SYCP2L: variants seen among roughly 807,000 people sequenced by gnomAD.
SYCP2L encodes the protein synaptonemal complex protein 2-like.
A neutral mutation model predicts 125.8 loss-of-function variants in SYCP2L; 98 were observed. The observed-to-expected ratio is 0.78, with a 90% CI of 0.66 to 0.92. The LOEUF is 0.92. Ranked by LOEUF, SYCP2L falls within the 40% of genes least tolerant of loss-of-function variation. The pLI, the probability that SYCP2L is intolerant of heterozygous loss-of-function variation, is 0.00. For missense variants in SYCP2L, 842 were observed against 936.4 expected, an observed-to-expected ratio of 0.90 and a Z score of 1.32; for synonymous variants, 317 against 325.4, an observed-to-expected ratio of 0.97 and a Z score of 0.28.
At chr6:10,918,756 A>C (rs562511735) in intron 14 of SYCP2L, among the ~76,000 whole-genome samples, 3 of 151,958 alleles carry the variant, frequency 2.0e-5, no homozygotes, top group Non-Finnish European at 4.4e-5. Context: ...GGATGGTCTC[A>C]ATCTCCTGAC....
chr6:10,962,674 AATAACAG>A (rs1348063932), intron 28 of SYCP2L, among the ~76,000 whole-genome samples: 13 of 152,324 alleles, frequency 8.5e-5, no homozygotes, highest in African/African-American at 2.9e-4. Context: ...TGTTGATATA[AATAACAG>A]ATTTATATGA....
chr6:10,963,990 C>T, intron 29 of SYCP2L, 147 bp downstream of exon 29: 2 of 549,758 alleles, frequency 3.6e-6, no homozygotes, highest in Non-Finnish European at 6.3e-6. Context: ...TGGAGTCTCA[C>T]TCTGTCACCC....
chr6:10,907,650 C>A lies in SYCP2L; in HGVS notation c.785C>A (p.Ala262Asp). 1 of 1,612,702 alleles carries A rather than the reference C, an allele frequency of 6.2e-7. No homozygotes were observed. Among genetic ancestry groups the A allele is most frequent in the Non-Finnish European group, 8.5e-7 (1 of 1,179,618 alleles). Residue 262 changes from alanine (A) to aspartate (D), a missense_variant, in exon 10 of 30, where the codon GCT becomes GAT. Transcript: ENST00000283141. ...KWFDDEVIAEAFKEIKDREFE... is the reference protein window; with the variant it reads ...KWFDDEVIAEDFKEIKDREFE... The stretch of plus-strand genomic sequence containing the variant: ...TTTGATGATGAAGTCATTGCTGAAG[C>A]TTTCAAAGAAATTAAGGATCGAGAA...
chr6:10,951,549 A>T (rs897864797), intron 23 of SYCP2L, among the ~76,000 whole-genome samples: 1 of 152,268 alleles, frequency 6.6e-6, no homozygotes, highest in African/African-American at 2.4e-5. Flanking sequence ...TCTTAACTGC[A>T]TTAATCTATA....
At chr6:10,943,081 T>G (rs1781252429) in intron 23 of SYCP2L, among the ~76,000 whole-genome samples, 1 of 152,144 alleles carries the variant, frequency 6.6e-6, no homozygotes, top group Admixed American at 6.5e-5. Flanking sequence ...CAGAGCTGAT[T>G]TCATTCTCAA....
intron 8 of SYCP2L, among the ~76,000 whole-genome samples, chr6:10,905,615 C>A (rs944496195): frequency 6.6e-6 from 1 of 152,124 alleles, no homozygotes; most frequent in Admixed American, 6.6e-5. Context: ...AAAATCAGAT[C>A]AAGCAGCTCA....
chr6:10,941,607 T>C (rs1486204866), intron 21 of SYCP2L, among the ~76,000 whole-genome samples: 1 of 152,220 alleles, frequency 6.6e-6, no homozygotes, highest in Non-Finnish European at 1.5e-5. Context: ...AGATACCATC[T>C]CACACCAGTT....
In SYCP2L at chr6:10,958,892, A is replaced by C; in HGVS notation, c.2255+17A>C. On this transcript the variant is annotated intron_variant, in intron 26 of 29. Coordinates refer to ENST00000283141, the MANE Select transcript of SYCP2L (RefSeq NM_001040274.3). Reference sequence around the variant, plus strand: ...ACTGTTCAGGTAAGTTTTAGGTTTCAAAACAAGGTCGTGGAAGTGTGATCA... The same window carrying C: ...ACTGTTCAGGTAAGTTTTAGGTTTCCAAACAAGGTCGTGGAAGTGTGATCA... 6.2e-7 allele frequency: 1 copy of C among 1,610,506 alleles called. No homozygotes were observed. The highest frequency in any genetic ancestry group is 1.1e-5 in the South Asian group (1 of 90,930).
intron 14 of SYCP2L, among the ~76,000 whole-genome samples, chr6:10,920,828 C>CT (rs962960318): frequency 5.6e-4 from 73 of 130,668 alleles, no homozygotes; most frequent in East Asian, 1.7e-3. Flanking sequence ...AATTGCGTTC[C>CT]TTTTTTTTTT....
intron 4 of SYCP2L, among the ~76,000 whole-genome samples, chr6:10,896,799 C>T (rs1256341898): frequency 6.6e-6 from 1 of 152,182 alleles, no homozygotes; most frequent in Non-Finnish European, 1.5e-5. Flanking sequence ...ATTCTGATTA[C>T]TGGGTCTGGG....
chr6:10,891,532 A>G lies in SYCP2L; in HGVS notation c.29A>G (p.Gln10Arg). 1 of 1,601,406 alleles carries G rather than the reference A, an allele frequency of 6.2e-7. No homozygotes were observed. Among genetic ancestry groups the G allele is most frequent in the South Asian group, 1.1e-5 (1 of 89,022 alleles). ...ACACAGAAAAACAAAGATGCTTTGCAGCCTATTAAGGAAGACAGGACTGGG... is the reference window on the plus strand; with the variant it reads ...ACACAGAAAAACAAAGATGCTTTGCGGCCTATTAAGGAAGACAGGACTGGG... MQAKNKDAL[Q>R]PIKEDRTGKA... The change falls in exon 2 of 30, where the codon CAG (glutamine) becomes CGG (arginine). Residue 10 changes from glutamine to arginine, a missense_variant. Gln to Arg is a conservative substitution (Grantham distance 43, BLOSUM62 1). Coordinates refer to ENST00000283141, the MANE Select transcript of SYCP2L (RefSeq NM_001040274.3).
At chr6:10,930,611 AAT>A (rs375638599) in intron 19 of SYCP2L, 97 bp downstream of exon 19, 2 of 1,375,202 alleles carry the variant, frequency 1.5e-6, no homozygotes, top group African/African-American at 3.0e-5. Flanking sequence ...GGTCCAAAGA[AAT>A]ATATGATTAT....
At position 10,893,972 on chromosome 6, in the gene SYCP2L, C is replaced by G; in HGVS notation, c.184C>G (p.Leu62Val). 6.2e-7 allele frequency: 1 copy of G among 1,611,920 alleles called. No individual in the cohort carries two copies. Among genetic ancestry groups the G allele is most frequent in the South Asian group, 1.1e-5 (1 of 90,096 alleles). ...CTTTCCTCAAAAATATAATCGTCTT[C>G]TATTATACCGTCTTGACAGATCAAT... is the stretch of plus-strand genomic sequence containing the variant. ...SHFPQKYNRL[L>V]LYRLDRSINK... is the part of the protein sequence containing the mutation. The change falls in exon 3 of 30, where the codon CTA becomes GTA. Residue 62 changes from leucine to valine, a missense_variant. Physicochemically the swap from Leu to Val is conservative, Grantham distance 32. Coordinates refer to ENST00000283141, the MANE Select transcript of SYCP2L (RefSeq NM_001040274.3).
In SYCP2L at chr6:10,972,836, A is replaced by G. The variant is rs1252700977; in HGVS notation, c.*38-1116A>G. 3.3e-5 allele frequency among the ~76,000 whole-genome samples: 5 copies of G among 151,936 alleles called. No individual in the cohort carries two copies. In the East Asian group the frequency reaches 5.8e-4, roughly 18 times the overall value. On this transcript the variant is annotated intron_variant, in intron 29 of 29. Transcript: ENST00000283141. ...TGCCACCATGCCCAGCTTCCTCCCC[A>G]CTTTTTAAAATCAGGGAAACAGTTT...
At chr6:10,927,609 C>G (rs1320401736) in intron 17 of SYCP2L, among the ~76,000 whole-genome samples, 1 of 152,116 alleles carries the variant, frequency 6.6e-6, no homozygotes, top group Non-Finnish European at 1.5e-5. Flanking sequence ...TAGAATATCA[C>G]AAGGCAAATG....
In SYCP2L at chr6:10,912,352, CT is replaced by C. The variant is rs1780626094; in HGVS notation, c.919-320del. Among the ~76,000 whole-genome samples, 2 of 152,202 alleles carry C rather than the reference CT, an allele frequency of 1.3e-5. No individual in the cohort carries two copies. Among genetic ancestry groups the C allele is most frequent in the South Asian group, 4.1e-4 (2 of 4,822 alleles). On this transcript the variant is annotated intron_variant, in intron 12 of 29. Coordinates refer to ENST00000283141, the MANE Select transcript of SYCP2L (RefSeq NM_001040274.3). The surrounding 1 kb of genome is among the most constrained non-coding windows in gnomAD (Gnocchi z 4.1). ...CATCCATATGCAGTGTGGCTTGTTA[CT>C]GATTCAACATAGAACTGTTTTCTCC...
intron 14 of SYCP2L, among the ~76,000 whole-genome samples, chr6:10,921,952 C>A (rs375514459): frequency 6.6e-6 from 1 of 152,042 alleles, no homozygotes; most frequent in African/African-American, 2.4e-5. Context: ...GTGATCTGCC[C>A]GCCTCGGCCT....
intron 29 of SYCP2L, among the ~76,000 whole-genome samples, chr6:10,967,464 T>G (rs900451472): frequency 7.5e-5 from 11 of 146,804 alleles, no homozygotes; most frequent in African/African-American, 2.9e-4. Context: ...GGTGTGTGTG[T>G]GTGTGTGTGT....
chr6:10,962,934 C>T (rs1000338699), intron 28 of SYCP2L, among the ~76,000 whole-genome samples: 6 of 152,136 alleles, frequency 3.9e-5, no homozygotes, highest in Non-Finnish European at 7.4e-5. Flanking sequence ...ATAATTTTGA[C>T]TTCACAGAAC....
Sources: gnomAD v4.1 joint callset for allele counts (sites outside exome capture counted in the v4.1 genomes callset) on GRCh38, gnomAD v4.1.1 for gene constraint, Gnocchi (gnomAD v3.1) non-coding constraint, MANE v1.5 for transcripts, NCBI Gene and HGNC (gene_info 2026-07-23, HGNC 2026-07-21) for gene names.